The following CA4 variants were observed in gnomAD, a reference collection of about 807,000 sequenced individuals.
The protein encoded by CA4 is carbonic anhydrase 4.
Under a neutral mutation model 34.5 loss-of-function variants are expected in CA4, and 24 were observed. That is an observed-to-expected ratio of 0.70 (90% CI 0.50 to 0.98). The LOEUF (loss-of-function observed/expected upper bound fraction) is 0.98, where lower values mean the gene tolerates loss of function less well. Ranked by LOEUF, CA4 falls within the 50% of genes least tolerant of loss-of-function variation. The pLI is 0.00. For synonymous variants in CA4, 178 were observed against 170.6 expected, an observed-to-expected ratio of 1.04 and a Z score of -0.34; for missense variants, 394 against 396.7, an observed-to-expected ratio of 0.99 and a Z score of 0.06.
downstream of CA4, among the ~76,000 whole-genome samples, chr17:60,172,206 C>T (rs531279846): frequency 6.6e-6 from 1 of 152,134 alleles, no homozygotes; most frequent in Non-Finnish European, 1.5e-5. Context: ...AGAGAAGCCC[C>T]GTCCCCTTAT....
Position 60,157,881 on chromosome 17 carries a change from G to A in CA4, c.513+93G>A, listed in dbSNP as rs2083720014. ...CTGGGACTCCAGCGAGGCAGGAGGG[G>A]GCGGGGAGACTCCAACTTCCGCCTC... On this transcript the variant is annotated intron_variant, in intron 5 of 7. Coordinates refer to ENST00000300900, the MANE Select transcript of CA4 (RefSeq NM_000717.5). 32 of 1,504,622 alleles carry A rather than the reference G, an allele frequency of 2.1e-5. 1 individual carries two copies. In the South Asian group the frequency reaches 3.7e-4, roughly 17 times the overall value. 93.2% of individuals were successfully genotyped at this position (1,504,622 alleles called of 1,614,324 possible). A position where few individuals can be genotyped will look rare whatever the true frequency, so the allele number is the denominator to read the frequency against.
intron 1 of CA4, 139 bp from the exon 2 acceptor site, chr17:60,155,175 C>A (rs2083655375): frequency 1.3e-6 from 1 of 756,964 alleles, no homozygotes; most frequent in African/African-American, 1.7e-5. Context: ...TCTGGGCCCT[C>A]AATCCTGCTG....
chr17:60,157,382 C>T (rs2083706712), intron 3 of CA4, 45 bp from the exon 4 acceptor site: 3 of 1,599,242 alleles, frequency 1.9e-6, no homozygotes, highest in South Asian at 1.1e-5. Flanking sequence ...CTAGAGGAGG[C>T]TGAGGGAGGC....
At chr17:60,159,155 G>C in intron 7 of CA4, 75 bp from the exon 8 acceptor site, 2 of 1,325,480 alleles carry the variant, frequency 1.5e-6, no homozygotes, top group Non-Finnish European at 1.1e-6. Context: ...ACAGGATGAG[G>C]TGCCTGCCTG....
intron 1 of CA4, among the ~76,000 whole-genome samples, chr17:60,155,030 G>A (rs911617696): frequency 6.6e-6 from 1 of 152,224 alleles, no homozygotes; most frequent in Non-Finnish European, 1.5e-5. Flanking sequence ...CCAGCCCCAT[G>A]TTAGAGATGA....
intron 5 of CA4, 36 bp downstream of exon 5, chr17:60,157,824 G>T: frequency 2.5e-6 from 4 of 1,583,592 alleles, no homozygotes; most frequent in Non-Finnish European, 3.5e-6. Flanking sequence ...GGGGAACCCG[G>T]GGCTGAGAGC....
chr17:60,163,133 A>C (rs2083811931), downstream of CA4, among the ~76,000 whole-genome samples: 1 of 150,378 alleles, frequency 6.6e-6, no homozygotes, highest in South Asian at 2.1e-4. Flanking sequence ...CTCTGATCTG[A>C]CAATGTAGGG....
chr17:60,175,039 G>C (rs956573575), downstream of CA4, among the ~76,000 whole-genome samples: 1 of 151,974 alleles, frequency 6.6e-6, no homozygotes, highest in Non-Finnish European at 1.5e-5. Flanking sequence ...GTCCTTCCGA[G>C]GCTTTTTGAG....
At chr17:60,169,779 G>A (rs1168594384) in intron 5 of CA4, among the ~76,000 whole-genome samples, 6 of 152,194 alleles carry the variant, frequency 3.9e-5, no homozygotes, top group African/African-American at 1.4e-4. Flanking sequence ...GTGAGCCACT[G>A]CCCCCGGCCA....
rs2083759138 is a variant in CA4 at position 60,159,431 on chromosome 17, A to G, written c.*7A>G. ...GGCCGGCTTCCTGCGATGATGGCTC[A>G]CTTCTGCACGCAGCCTCTCTGTTGC... On this transcript the variant is annotated 3_prime_UTR_variant, in exon 8 of 8. Transcript: ENST00000300900. The G allele has an allele frequency of 1.2e-6, 2 of 1,610,154 alleles. No individual in the cohort carries two copies. Among genetic ancestry groups the G allele is most frequent in the East Asian group, 2.2e-5 (1 of 44,844 alleles).
At chr17:60,178,146 T>C in the CA4 span, among the ~76,000 whole-genome samples, 1 of 152,186 alleles carries the variant, frequency 6.6e-6, no homozygotes, top group East Asian at 1.9e-4. Context: ...AAAGTTGACT[T>C]CCTAAAACCA....
chr17:60,155,216 G>A (rs2083656053), intron 1 of CA4, 98 bp from the exon 2 acceptor site: 7 of 1,130,088 alleles, frequency 6.2e-6, no homozygotes, highest in Non-Finnish European at 9.2e-6. Context: ...CCCAAGAGGG[G>A]CTCCAACCCC....
downstream of CA4, among the ~76,000 whole-genome samples, chr17:60,171,445 C>T (rs2083909763): frequency 1.3e-5 from 2 of 152,232 alleles, no homozygotes; most frequent in Admixed American, 6.5e-5. Flanking sequence ...GGCTTCTTCA[C>T]TCTAGCTGGC....
Position 60,158,071 on chromosome 17 carries a change from A to C in CA4, c.524A>C (p.Gln175Pro). ...TCCCTCCCTTTCCAGGCTGGAACCC[A>C]GGTGAACGAGGGCTTCCAGCCACTG... ...VLAFLVEAGT[Q>P]VNEGFQPLVE... The change falls in exon 6 of 8, where the codon CAG (glutamine) becomes CCG (proline). Residue 175 changes from glutamine to proline, a missense_variant. Transcript: ENST00000300900. 1 of 1,613,928 alleles carries C rather than the reference A, an allele frequency of 6.2e-7. No individual in the cohort carries two copies. Among genetic ancestry groups the C allele is most frequent in the Non-Finnish European group, 8.5e-7 (1 of 1,179,898 alleles).
intron 5 of CA4, among the ~76,000 whole-genome samples, chr17:60,165,774 C>T (rs916474340): frequency 6.6e-6 from 1 of 151,874 alleles, no homozygotes; most frequent in African/African-American, 2.4e-5. Context: ...GATGGGTTCA[C>T]CTAGACAAAA....
At chr17:60,150,482 G>C (rs1173821214) in intron 1 of CA4, among the ~76,000 whole-genome samples, 1 of 151,722 alleles carries the variant, frequency 6.6e-6, no homozygotes, top group Non-Finnish European at 1.5e-5. Flanking sequence ...AGACCAGCAT[G>C]GCCAACATGG....
Position 60,155,332 on chromosome 17 carries a change from A to C in CA4, c.77A>C (p.Glu26Ala). 6.2e-7 allele frequency: 1 copy of C among 1,611,526 alleles called. No homozygotes were observed. The highest frequency in any genetic ancestry group is 8.5e-7 in the Non-Finnish European group (1 of 1,178,956). Residue 26 changes from glutamate (E) to alanine (A), a missense_variant, in exon 2 of 8, where the codon GAG (glutamate) becomes GCG (alanine). Glu to Ala is a moderately radical substitution (Grantham distance 107). Transcript: ENST00000300900. Reference sequence around the variant, plus strand: ...GCTCCAGAGTCACACTGGTGCTACGAGGTTCAAGCCGAGTCCTCCAACTAC... The same window carrying C: ...GCTCCAGAGTCACACTGGTGCTACGCGGTTCAAGCCGAGTCCTCCAACTAC... ...SASAESHWCY[E>A]VQAESSNYPC...
At chr17:60,173,901 G>A (rs2083934706), downstream of CA4, among the ~76,000 whole-genome samples, 2 of 152,200 alleles carry the variant, frequency 1.3e-5, no homozygotes, top group Admixed American at 6.5e-5. Context: ...TGAATTGCCA[G>A]GTTGGGAACT....
At chr17:60,165,191 T>C (rs559239329) in intron 5 of CA4, among the ~76,000 whole-genome samples, 1 of 152,330 alleles carries the variant, frequency 6.6e-6, no homozygotes, top group African/African-American at 2.4e-5. Flanking sequence ...TAATGAACTC[T>C]GATCTGTGGT....
Sources: allele counts gnomAD v4.1 joint callset (sites outside exome capture counted in the v4.1 genomes callset), GRCh38; gene constraint gnomAD v4.1.1; transcripts MANE v1.5; gene names NCBI Gene and HGNC (gene_info 2026-07-23, HGNC 2026-07-21).